The following DOCK1 variants were observed in gnomAD, a reference collection of about 807,000 sequenced individuals.
DOCK1 encodes dedicator of cytokinesis protein 1.
A neutral mutation model predicts 262.7 loss-of-function variants in DOCK1; 138 were observed. The ratio of observed to expected loss-of-function variants is 0.53; its 90% confidence interval spans 0.46 to 0.61. The LOEUF is 0.61. DOCK1 is among the 20% of genes least tolerant of loss of function. The probability of loss-of-function intolerance (pLI) is 0.00; values close to 1 mark genes in which losing one functional copy is unlikely to be tolerated. For missense variants in DOCK1, 1,908 were observed against 2,370.7 expected (o/e 0.80, Z 4.05); for synonymous variants, 866 against 867.4 (o/e 1.00, Z 0.03).
chr10:127,320,102 A>G (rs1463316355), intron 29 of DOCK1, among the ~76,000 whole-genome samples: 1 of 152,068 alleles, frequency 6.6e-6, no homozygotes, highest in Non-Finnish European at 1.5e-5. Context: ...ATAACTCATT[A>G]GGTTTTTTCC....
At chr10:127,410,964 TATC>T (rs2067811001) in intron 43 of DOCK1, 40 bp downstream of exon 43, 2 of 1,591,686 alleles carry the variant, frequency 1.3e-6, no homozygotes, top group East Asian at 4.5e-5. Context: ...CAACAAAAAA[TATC>T]ATTCCGCCAC....
chr10:127,349,843 TTG>T (rs2063802546), intron 31 of DOCK1, among the ~76,000 whole-genome samples: 1 of 152,110 alleles, frequency 6.6e-6, no homozygotes, highest in South Asian at 2.1e-4. Context: ...GCCTTCTTCT[TTG>T]TGTCTTCCTA....
Position 127,117,548 on chromosome 10 carries a change from T to C in DOCK1, c.2623+7194T>C, listed in dbSNP as rs148375247. ...GTGTTGTGCTTATATGTTCATGGAG[T>C]TTTAATAGTTTTTCTCTTCTTTCTG... is the stretch of plus-strand genomic sequence containing the variant. On this transcript the variant is annotated intron_variant, in intron 25 of 51. Coordinates refer to ENST00000623213, the MANE Select transcript of DOCK1 (RefSeq NM_001290223.2). Among the ~76,000 whole-genome samples the C allele has an allele frequency of 5.5e-4, 84 of 151,822 alleles. No individual in the cohort carries two copies. In the Middle Eastern group the frequency reaches 0.02, roughly 37 times the overall value.
chr10:126,918,750 T>C (rs1391896624), intron 1 of DOCK1, among the ~76,000 whole-genome samples: 1 of 152,188 alleles, frequency 6.6e-6, no homozygotes, highest in Non-Finnish European at 1.5e-5. Flanking sequence ...GCCTAACTCA[T>C]GGTAAACACT....
At chr10:127,135,539 G>A (rs1031578364) in intron 27 of DOCK1, 4 of 152,572 alleles carry the variant, frequency 2.6e-5, no homozygotes, top group Admixed American at 1.3e-4. Context: ...AACCCTGTGC[G>A]TTTTACCTTG....
At chr10:127,035,507 T>C (rs2043535499) in intron 18 of DOCK1, among the ~76,000 whole-genome samples, 1 of 152,146 alleles carries the variant, frequency 6.6e-6, no homozygotes, top group Non-Finnish European at 1.5e-5. Context: ...TGCTCCAAGG[T>C]GTTTTACTAC....
chr10:127,067,124 G>A (rs1396063871), intron 23 of DOCK1, among the ~76,000 whole-genome samples: 1 of 152,230 alleles, frequency 6.6e-6, no homozygotes, highest in East Asian at 1.9e-4. Flanking sequence ...CTGGTGAAAT[G>A]CCACAAGAAT....
intron 27 of DOCK1, among the ~76,000 whole-genome samples, chr10:127,237,217 G>A (rs902261944): frequency 8.6e-5 from 13 of 151,908 alleles, no homozygotes; most frequent in Admixed American, 6.6e-4. Context: ...AAAATTAGCC[G>A]GGTATGGTGA....
At chr10:127,302,693 C>A (rs2061722982) in intron 29 of DOCK1, among the ~76,000 whole-genome samples, 1 of 151,578 alleles carries the variant, frequency 6.6e-6, no homozygotes, top group Non-Finnish European at 1.5e-5. Context: ...TAGGCACAAT[C>A]ACTATTCTAT....
chr10:127,338,584 C>A (rs2063296811), intron 29 of DOCK1, among the ~76,000 whole-genome samples: 1 of 152,186 alleles, frequency 6.6e-6, no homozygotes, highest in South Asian at 2.1e-4. Context: ...CTCTTCCAAG[C>A]CTGACAGCTC....
At chr10:126,926,937 T>C (rs1358534887) in intron 1 of DOCK1, among the ~76,000 whole-genome samples, 1 of 152,190 alleles carries the variant, frequency 6.6e-6, no homozygotes, top group Non-Finnish European at 1.5e-5. Context: ...GCTTTGGTAC[T>C]TTGTGTGGCA....
At chr10:127,372,700 G>C (rs1341293299) in intron 33 of DOCK1, among the ~76,000 whole-genome samples, 1 of 152,186 alleles carries the variant, frequency 6.6e-6, no homozygotes, top group Non-Finnish European at 1.5e-5. Context: ...GAGAATTGTT[G>C]CCTGAGAAAG....
chr10:126,943,715 A>T (rs2035187878), intron 1 of DOCK1, among the ~76,000 whole-genome samples: 1 of 152,160 alleles, frequency 6.6e-6, no homozygotes, highest in South Asian at 2.1e-4. Context: ...AGGACTACCA[A>T]GGGAGGCTTC....
At chr10:127,104,368 C>G (rs2048415087) in intron 23 of DOCK1, among the ~76,000 whole-genome samples, 2 of 152,178 alleles carry the variant, frequency 1.3e-5, no homozygotes, top group South Asian at 2.1e-4. Context: ...CACGTATTTT[C>G]TTCCAAAAGT....
At chr10:127,365,458 G>A (rs2064853685) in intron 33 of DOCK1, among the ~76,000 whole-genome samples, 1 of 152,042 alleles carries the variant, frequency 6.6e-6, no homozygotes. Context: ...CTTTTTCCTA[G>A]GCAGAAAATT....
chr10:127,261,382 T>C (rs1224827957), intron 29 of DOCK1, among the ~76,000 whole-genome samples: 5 of 135,678 alleles, frequency 3.7e-5, no homozygotes, highest in East Asian at 2.4e-4. Context: ...TGTGGGTGTG[T>C]GTGTACCTGC....
chr10:127,031,673 T>C lies in DOCK1; in HGVS notation c.1648T>C (p.Phe550Leu). Residue 550 changes from phenylalanine to leucine, a missense_variant, in exon 17 of 52, where the codon TTT becomes CTT. By Grantham distance (22) the Phe-to-Leu change is conservative. Transcript: ENST00000623213. The part of the protein sequence containing the change: ...QDSKDKSEKI[F>L]ALAFVKLMRY... ...AGCTAAGGATAAATCTGAGAAAATATTTGCACTAGCATTTGTCAAGCTGAT... is the reference window on the plus strand; with the variant it reads ...AGCTAAGGATAAATCTGAGAAAATACTTGCACTAGCATTTGTCAAGCTGAT... 1 of 1,611,070 alleles carries C rather than the reference T, an allele frequency of 6.2e-7. No homozygotes were observed. The highest frequency in any genetic ancestry group is 8.5e-7 in the Non-Finnish European group (1 of 1,179,498).
chr10:127,026,231 A>G (rs2042851726), intron 15 of DOCK1, 121 bp from the exon 16 acceptor site: 1 of 954,386 alleles, frequency 1.0e-6, no homozygotes, highest in Non-Finnish European at 1.6e-6. Context: ...CTAGGTGTAC[A>G]GTATTTTCAC....
rs1443286803 is a variant in DOCK1 at position 126,935,226 on chromosome 10, C to T, written c.46+29663C>T. 2.6e-5 allele frequency among the ~76,000 whole-genome samples: 4 copies of T among 152,252 alleles called. 1 individual carries two copies. Among genetic ancestry groups the T allele is most frequent in the African/African-American group, 7.2e-5 (3 of 41,546 alleles). On this transcript the variant is annotated intron_variant, in intron 1 of 51. Transcript: ENST00000623213. ...TCTAGAGATTGTCCATGAAGAACTC[C>T]GTGAAGTTGGAAGAACAGCTGTAAA...
Sources: allele counts gnomAD v4.1 joint callset (sites outside exome capture counted in the v4.1 genomes callset), GRCh38; gene constraint gnomAD v4.1.1; transcripts MANE v1.5; gene names NCBI Gene and HGNC (gene_info 2026-07-23, HGNC 2026-07-21).